The following MRTO4 variants were observed in gnomAD, a reference collection of about 807,000 sequenced individuals.
MRTO4 encodes MRT4 homolog, ribosome maturation factor, also known as mRNA turnover protein 4 homolog.
In MRTO4, 7 loss-of-function variants were observed where a neutral mutation model predicts 28.6. The observed-to-expected ratio is 0.24, with a 90% confidence interval of 0.14 to 0.46. The LOEUF is 0.46. MRTO4 is among the 20% of genes least tolerant of loss of function. The pLI, the probability that MRTO4 is intolerant of heterozygous loss-of-function variation, is 0.99. For synonymous variants in MRTO4, 113 were observed against 108.2 expected, an observed-to-expected ratio of 1.04 and a Z score of -0.27; for missense variants, 302 against 298.3, an observed-to-expected ratio of 1.01 and a Z score of -0.09.
chr1:19,252,614 G>T (rs1241206477), intron 1 of MRTO4, among the ~76,000 whole-genome samples: 1 of 152,142 alleles, frequency 6.6e-6, no homozygotes, highest in Admixed American at 6.5e-5. Flanking sequence ...CGGGAGAATC[G>T]CTTGAATCCG....
chr1:19,256,099 G>T, intron 3 of MRTO4, 48 bp downstream of exon 3: 2 of 1,550,288 alleles, frequency 1.3e-6, no homozygotes, highest in Non-Finnish European at 1.8e-6. Flanking sequence ...GACCCGGCCA[G>T]GCTGCTCTCA....
intron 3 of MRTO4, 131 bp from the exon 4 acceptor site, chr1:19,256,933 A>T: frequency 1.3e-6 from 1 of 798,968 alleles, no homozygotes; most frequent in Non-Finnish European, 2.1e-6. Flanking sequence ...GCCAGGCAGC[A>T]TGGAGAAGTG....
chr1:19,251,913 A>T (rs765251913), intron 1 of MRTO4, 50 bp downstream of exon 1: 32 of 1,565,262 alleles, frequency 2.0e-5, no homozygotes, highest in Middle Eastern at 1.7e-4. Context: ...TGGGCTGGCT[A>T]CCCAGCCTGC....
At chr1:19,256,261 A>G (rs978057190) in intron 3 of MRTO4, among the ~76,000 whole-genome samples, 4 of 152,096 alleles carry the variant, frequency 2.6e-5, no homozygotes, top group Admixed American at 2.0e-4. Flanking sequence ...CACGCCTGTA[A>G]TCCTGGCACT....
rs746662867 is a variant in MRTO4, at chr1:19,258,488, C to T, written c.505C>T (p.Leu169=). 6.2e-7 allele frequency: 1 copy of T among 1,613,852 alleles called. No individual in the cohort carries two copies. Among genetic ancestry groups the T allele is most frequent in the Admixed American group, 1.7e-5 (1 of 60,006 alleles). Reference sequence around the variant, plus strand: ...ACCCTCTTCTGCAGGTGTGGTGACTCTGCTGTCTGACTACGAGGTGTGCAA... The same window carrying T: ...ACCCTCTTCTGCAGGTGTGGTGACTTTGCTGTCTGACTACGAGGTGTGCAA... The part of the protein sequence containing the change: ...PTALKRGVVT[L]LSDYEVCKEG... Residue 169 remains leucine (L), a synonymous_variant, in exon 7 of 8, where the codon CTG becomes TTG. Coordinates refer to ENST00000330263, the MANE Select transcript of MRTO4 (RefSeq NM_016183.4).
At chr1:19,254,690 C>T (rs2093668869) in intron 1 of MRTO4, 92 bp from the exon 2 acceptor site, 2 of 1,053,062 alleles carry the variant, frequency 1.9e-6, no homozygotes, top group Non-Finnish European at 1.5e-6. Flanking sequence ...CTGCATCCAG[C>T]TGAGTGCTCT....
chr1:19,253,475 A>G (rs10917277), intron 1 of MRTO4, among the ~76,000 whole-genome samples: 43,625 of 152,030 alleles, frequency 0.29, 7,197 homozygotes, highest in African/African-American at 0.46. Flanking sequence ...AGGTGAAGTG[A>G]GTAGCAGAGG....
Position 19,258,750 on chromosome 1 carries a change from A to G in MRTO4, c.640A>G (p.Arg214Gly). 6.2e-7 allele frequency: 1 copy of G among 1,614,218 alleles called. No individual in the cohort carries two copies. Residue 214 changes from arginine (R) to glycine (G), a missense_variant, in exon 8 of 8, where the codon AGG becomes GGG. Arg to Gly is a moderately radical substitution (Grantham distance 125, BLOSUM62 -2). Transcript: ENST00000330263. ...IKYMWDSQSG[R>G]FQQMGDDLPE... ...ATACATGTGGGATTCACAGTCGGGA[A>G]GGTTCCAGCAGATGGGAGACGACTT... is the stretch of plus-strand genomic sequence containing the variant.
rs1480058757 is a variant in MRTO4, at chr1:19,254,828, C to A, written c.75C>A (p.Asn25Lys). The change falls in exon 2 of 8, where the codon AAC (asparagine) becomes AAA (lysine). Residue 25 changes from asparagine (N) to lysine (K), a missense_variant. Transcript: ENST00000330263. ...TAKKGLELKQNLIEELRKCVD... is the reference protein window; with the variant it reads ...TAKKGLELKQKLIEELRKCVD... ...AGAAAGGCTTGGAATTGAAACAAAACCTGATAGAAGAGGTAAGAGGTTGTT... is the reference window on the plus strand; with the variant it reads ...AGAAAGGCTTGGAATTGAAACAAAAACTGATAGAAGAGGTAAGAGGTTGTT... 1 of 1,609,804 alleles carries A rather than the reference C, an allele frequency of 6.2e-7. No homozygotes were observed. The highest frequency in any genetic ancestry group is 8.5e-7 in the Non-Finnish European group (1 of 1,178,584).
chr1:19,254,992 C>T (rs1216987203), intron 2 of MRTO4, 152 bp downstream of exon 2: 3 of 648,980 alleles, frequency 4.6e-6, no homozygotes, highest in Non-Finnish European at 7.7e-6. Context: ...CCTTTTTCCT[C>T]CAGCAGCAGC....
chr1:19,258,581 C>T (rs943371406), intron 7 of MRTO4, 28 bp downstream of exon 7: 22 of 1,613,810 alleles, frequency 1.4e-5, no homozygotes, highest in Non-Finnish European at 1.8e-5. Flanking sequence ...CGGGCTGTTG[C>T]GGGCGGGGTT....
At chr1:19,254,894 T>G (rs907751087) in intron 2 of MRTO4, 54 bp downstream of exon 2, 2 of 1,476,214 alleles carry the variant, frequency 1.4e-6, no homozygotes, top group Non-Finnish European at 1.8e-6. Flanking sequence ...TAAAGGTAGG[T>G]ATAGGACTGT....
intron 6 of MRTO4, 108 bp from the exon 7 acceptor site, chr1:19,258,369 C>T (rs2093674750): frequency 7.6e-7 from 1 of 1,324,040 alleles, no homozygotes; most frequent in African/African-American, 1.4e-5. Context: ...TGTGTTGGAG[C>T]CGTGGGGAGG....
chr1:19,255,312 G>A (rs1260158620), intron 2 of MRTO4, among the ~76,000 whole-genome samples: 1 of 150,776 alleles, frequency 6.6e-6, no homozygotes, highest in Non-Finnish European at 1.5e-5. Flanking sequence ...TGGGCAACAT[G>A]ACAAAACCTC....
rs2093678172 is a variant in MRTO4 at position 19,259,998 on chromosome 1, A to T, written c.*1168A>T. The T allele has an allele frequency of 1.3e-5, 2 of 152,274 alleles. No homozygotes were observed. Among genetic ancestry groups the T allele is most frequent in the Non-Finnish European group, 2.9e-5 (2 of 68,092 alleles). 9.4% of individuals were successfully genotyped at this position (152,274 alleles called of 1,614,324 possible). On this transcript the variant is annotated 3_prime_UTR_variant, in exon 8 of 8. Transcript: ENST00000330263. ...AGGCTGGTCTCAAACTCCTGAGCTC[A>T]AGCGATCTACCCACCTTGGCCTCCC...
intron 1 of MRTO4, chr1:19,252,279 G>A: frequency 8.4e-6 from 2 of 236,802 alleles, no homozygotes; most frequent in Non-Finnish European, 1.7e-5. Flanking sequence ...TTGTGTGTCT[G>A]CGGTTGTTTC....
chr1:19,259,647 A>C lies in MRTO4; in HGVS notation c.*817A>C, dbSNP rs1395145857. 6.6e-6 allele frequency: 1 copy of C among 152,274 alleles called. No homozygotes were observed. Among genetic ancestry groups the C allele is most frequent in the Non-Finnish European group, 1.5e-5 (1 of 68,066 alleles). The allele number at this position is 152,274 out of a possible 1,614,324, so 9.4% of individuals were successfully genotyped here. ...CACTGCCATGACAGCACAGCTCCAC[A>C]CCAGAGCTGGGGTTTCTCTTCAGTC... On this transcript the variant is annotated 3_prime_UTR_variant, in exon 8 of 8. Transcript: ENST00000330263.
At chr1:19,254,583 A>G (rs1490008053) in intron 1 of MRTO4, among the ~76,000 whole-genome samples, 199 bp from the exon 2 acceptor site, 2 of 152,186 alleles carry the variant, frequency 1.3e-5, no homozygotes, top group East Asian at 3.9e-4. Context: ...CTTCAGGCCC[A>G]GGAATGCTAA....
At chr1:19,255,803 A>G in intron 2 of MRTO4, 145 bp from the exon 3 acceptor site, 1 of 647,488 alleles carries the variant, frequency 1.5e-6, no homozygotes, top group Admixed American at 2.7e-5. Context: ...TAATGGAGGT[A>G]GGAGACAACC....
Sources: gnomAD v4.1 joint callset for allele counts (sites outside exome capture counted in the v4.1 genomes callset) on GRCh38, gnomAD v4.1.1 for gene constraint, MANE v1.5 for transcripts, NCBI Gene and HGNC (gene_info 2026-07-23, HGNC 2026-07-21) for gene names.